Variants in FHIT observed in about 807,000 individuals in gnomAD.
FHIT encodes the protein bis(5'-adenosyl)-triphosphatase.
FHIT carries 19 observed loss-of-function variants against 17.9 expected under a neutral mutation model. The ratio of observed to expected loss-of-function variants is 1.06; its 90% confidence interval spans 0.74 to 1.56. The LOEUF (loss-of-function observed/expected upper bound fraction) is 1.56. Ranked by LOEUF, FHIT falls within the 40% of genes most tolerant of loss-of-function variation. FHIT has a pLI of 0.00. For missense variants in FHIT, 248 were observed against 189.2 expected (o/e 1.31, Z -1.82); for synonymous variants, 81 against 69.7 (o/e 1.16, Z -0.81).
At chr3:60,375,011 T>C (rs1316054684) in intron 5 of FHIT, among the ~76,000 whole-genome samples, 2 of 151,570 alleles carry the variant, frequency 1.3e-5, no homozygotes, top group African/African-American at 4.9e-5. Context: ...GGAGAGACTC[T>C]AAGGGTAGCA....
intron 5 of FHIT, among the ~76,000 whole-genome samples, chr3:60,226,387 G>A (rs1356661920): frequency 7.3e-5 from 11 of 150,626 alleles, no homozygotes; most frequent in African/African-American, 9.8e-5. Flanking sequence ...CAGGAGAACC[G>A]CTTGAACCCG....
At chr3:60,551,876 G>A (rs2036571114) in intron 4 of FHIT, among the ~76,000 whole-genome samples, 1 of 151,946 alleles carries the variant, frequency 6.6e-6, no homozygotes, top group East Asian at 2.0e-4. Flanking sequence ...CCCTTCTAGT[G>A]TACAGTTTGA....
At chr3:61,199,503 G>A (rs2038953237) in intron 2 of FHIT, among the ~76,000 whole-genome samples, 1 of 152,056 alleles carries the variant, frequency 6.6e-6, no homozygotes, top group South Asian at 2.1e-4. Flanking sequence ...TCATGCACCA[G>A]AGTTTAGTTG....
chr3:60,279,771 C>A (rs1457775992), intron 5 of FHIT, among the ~76,000 whole-genome samples: 3 of 152,074 alleles, frequency 2.0e-5, no homozygotes, highest in Non-Finnish European at 4.4e-5. Flanking sequence ...AAAAACTCAA[C>A]AAACATTCCT....
intron 3 of FHIT, among the ~76,000 whole-genome samples, chr3:60,935,855 A>G (rs782764139): frequency 1.3e-5 from 2 of 152,222 alleles, no homozygotes; most frequent in Non-Finnish European, 2.9e-5. Flanking sequence ...CTCTTCGCAC[A>G]TGGACACACT....
chr3:60,466,013 C>T (rs1331758407), intron 5 of FHIT, among the ~76,000 whole-genome samples: 3 of 152,002 alleles, frequency 2.0e-5, no homozygotes, highest in African/African-American at 7.2e-5. Flanking sequence ...TCTTCCAAAC[C>T]ATGAACATGG....
At chr3:60,915,681 TA>T (rs1240131647) in intron 3 of FHIT, among the ~76,000 whole-genome samples, 5 of 152,270 alleles carry the variant, frequency 3.3e-5, no homozygotes, top group Middle Eastern at 3.4e-3. Context: ...GATATCCTCA[TA>T]AAAGGTGTTC....
chr3:61,137,262 C>CTTT (rs67142172), intron 2 of FHIT, among the ~76,000 whole-genome samples: 35 of 105,460 alleles, frequency 3.3e-4, no homozygotes, highest in Non-Finnish European at 5.2e-4. Context: ...AGGTTTCACT[C>CTTT]TTTTTTTTTT....
At chr3:61,037,266 A>G (rs1312733382) in intron 3 of FHIT, among the ~76,000 whole-genome samples, 1 of 152,116 alleles carries the variant, frequency 6.6e-6, no homozygotes, top group Non-Finnish European at 1.5e-5. Flanking sequence ...ACAAGACTGG[A>G]GTGGTTATGC....
At chr3:60,162,881 C>T (rs1343061859) in intron 5 of FHIT, among the ~76,000 whole-genome samples, 1 of 152,126 alleles carries the variant, frequency 6.6e-6, no homozygotes, top group Non-Finnish European at 1.5e-5. Context: ...GTAAACATTT[C>T]AACCACAAGA....
At chr3:60,545,612 G>A (rs187697723) in intron 4 of FHIT, among the ~76,000 whole-genome samples, 2 of 152,070 alleles carry the variant, frequency 1.3e-5, no homozygotes, top group Non-Finnish European at 2.9e-5. Context: ...TAACCTGAGG[G>A]TTATTTCATA....
Position 60,147,142 on chromosome 3 carries a change from A to T in FHIT, c.104-132990T>A, listed in dbSNP as rs551150913. Among the ~76,000 whole-genome samples the T allele has an allele frequency of 2.0e-5, 3 of 152,316 alleles. No individual in the cohort carries two copies. The South Asian group carries it at 6.2e-4, about 32-fold the overall frequency. On this transcript the variant is annotated intron_variant, in intron 5 of 9. Coordinates refer to ENST00000492590, the MANE Select transcript of FHIT (RefSeq NM_002012.4). Reference sequence around the variant, plus strand: ...TAGAAAAAGCTATTCTAAAAAAGCAAAATAGTACTCACAAAAGGGTATTAA... The same window carrying T: ...TAGAAAAAGCTATTCTAAAAAAGCATAATAGTACTCACAAAAGGGTATTAA...
In FHIT at chr3:60,700,721, A is replaced by C. The variant is rs190851450; in HGVS notation, c.-18+121198T>G. Among the ~76,000 whole-genome samples the C allele has an allele frequency of 2.6e-5, 4 of 152,328 alleles. No individual in the cohort carries two copies. The East Asian group carries it at 7.7e-4, about 29-fold the overall frequency. On this transcript the variant is annotated intron_variant, in intron 4 of 9. Coordinates refer to ENST00000492590, the MANE Select transcript of FHIT (RefSeq NM_002012.4). Reference sequence around the variant, plus strand: ...CTTCCATTTCTAAGCACCTTTAACAAGCATGGATATTATCAATATTTTCCA... The same window carrying C: ...CTTCCATTTCTAAGCACCTTTAACACGCATGGATATTATCAATATTTTCCA...
At chr3:60,607,857 G>A (rs1576962143) in intron 4 of FHIT, among the ~76,000 whole-genome samples, 2 of 152,004 alleles carry the variant, frequency 1.3e-5, no homozygotes, top group African/African-American at 2.4e-5. Context: ...CAGAAACTTG[G>A]CTTGCTGTGA....
At chr3:60,331,566 T>C (rs1576488038) in intron 5 of FHIT, among the ~76,000 whole-genome samples, 1 of 152,216 alleles carries the variant, frequency 6.6e-6, no homozygotes, top group East Asian at 1.9e-4. Flanking sequence ...ATATACTCGG[T>C]CCGGGTATGG....
intron 4 of FHIT, among the ~76,000 whole-genome samples, chr3:60,648,635 T>C (rs1254602777): frequency 6.6e-6 from 1 of 152,208 alleles, no homozygotes; most frequent in East Asian, 1.9e-4. Flanking sequence ...ACCTGTTACT[T>C]GATGAAGCAT....
In FHIT at chr3:60,159,254, G is replaced by A. The variant is rs183811349; in HGVS notation, c.104-145102C>T. The stretch of plus-strand genomic sequence containing the variant: ...TCCTGCCTCAGCCCTCCAACTAGCT[G>A]AGACTACAGGTGCCTGCCACCACAC... On this transcript the variant is annotated intron_variant, in intron 5 of 9. Coordinates refer to ENST00000492590, the MANE Select transcript of FHIT (RefSeq NM_002012.4). Among the ~76,000 whole-genome samples, 9 of 152,128 alleles carry A rather than the reference G, an allele frequency of 5.9e-5. No individual in the cohort carries two copies. In the East Asian group the frequency reaches 1.4e-3, roughly 23 times the overall value.
At chr3:59,864,770 G>T (rs1283934816) in intron 8 of FHIT, among the ~76,000 whole-genome samples, 1 of 151,390 alleles carries the variant, frequency 6.6e-6, no homozygotes, top group Non-Finnish European at 1.5e-5. Flanking sequence ...AGGAAGAGGG[G>T]GCATTCAGAC....
intron 5 of FHIT, among the ~76,000 whole-genome samples, chr3:60,454,699 A>C (rs1217470530): frequency 6.6e-6 from 1 of 152,012 alleles, no homozygotes; most frequent in Non-Finnish European, 1.5e-5. Context: ...CTAACTTTTA[A>C]AGTCCTAAAT....
Sources: allele counts gnomAD v4.1 joint callset (sites outside exome capture counted in the v4.1 genomes callset), GRCh38; gene constraint gnomAD v4.1.1; transcripts MANE v1.5; gene names NCBI Gene and HGNC (gene_info 2026-07-23, HGNC 2026-07-21).